The following ENPP2 variants were observed in gnomAD, a reference collection of about 807,000 sequenced individuals.
The protein encoded by ENPP2 is autotaxin.
A neutral mutation model predicts 120.2 loss-of-function variants in ENPP2; 51 were observed. The observed-to-expected ratio is 0.42, with a 90% CI of 0.34 to 0.54. The LOEUF (loss-of-function observed/expected upper bound fraction) is 0.54, where lower values mean the gene tolerates loss of function less well. Among genes scored for constraint, ENPP2 ranks in the 20% least tolerant of loss-of-function variants. ENPP2 has a pLI of 0.04. For synonymous variants in ENPP2, 365 were observed against 366.4 expected (o/e 1.00, Z 0.04); for missense variants, 920 against 1,066.5 (o/e 0.86, Z 1.91).
intron 8 of ENPP2, among the ~76,000 whole-genome samples, chr8:119,610,202 G>A (rs1371656865): frequency 6.6e-6 from 1 of 151,904 alleles, no homozygotes; most frequent in African/African-American, 2.4e-5. Flanking sequence ...TTAAAAAGCA[G>A]TGTCTTAGAA....
rs948885813 is a variant in ENPP2 at position 119,634,703 on chromosome 8, C to T, written c.136+3722G>A. ...TTTTTTTCATTAATGAAAGGTTTTT[C>T]AAACTTTTGTACATAGTTTTCAAAT... is the stretch of plus-strand genomic sequence containing the variant. On this transcript the variant is annotated intron_variant, in intron 2 of 24. Coordinates refer to ENST00000075322, the MANE Select transcript of ENPP2 (RefSeq NM_001040092.3). Among the ~76,000 whole-genome samples the T allele has an allele frequency of 2.5e-4, 38 of 152,058 alleles. 2 individuals carry two copies. The highest frequency in any genetic ancestry group is 1.5e-5 in the Non-Finnish European group (1 of 67,998).
intron 22 of ENPP2, among the ~76,000 whole-genome samples, chr8:119,565,658 C>A (rs1265060779): frequency 6.6e-6 from 1 of 152,136 alleles, no homozygotes; most frequent in Non-Finnish European, 1.5e-5. Flanking sequence ...CAAAGTACAT[C>A]CCAATTATCC....
rs1816261928 is a variant in ENPP2, at chr8:119,626,201, A to G, written c.292+364T>C. On this transcript the variant is annotated intron_variant, in intron 3 of 24. Coordinates refer to ENST00000075322, the MANE Select transcript of ENPP2 (RefSeq NM_001040092.3). ...AGTGAGATGCTATCTCTTAATAAATAAATAAGTAATAAAAAAGAACATACA... is the reference window on the plus strand; with the variant it reads ...AGTGAGATGCTATCTCTTAATAAATGAATAAGTAATAAAAAAGAACATACA... Among the ~76,000 whole-genome samples, 3 of 152,230 alleles carry G rather than the reference A, an allele frequency of 2.0e-5. No homozygotes were observed. In the South Asian group the frequency reaches 6.2e-4, roughly 32 times the overall value.
intron 12 of ENPP2, among the ~76,000 whole-genome samples, chr8:119,592,204 T>A (rs1813553473): frequency 6.6e-6 from 1 of 152,146 alleles, no homozygotes; most frequent in South Asian, 2.1e-4. Flanking sequence ...CCATACCATC[T>A]TTTAAGAGAG....
intron 15 of ENPP2, among the ~76,000 whole-genome samples, chr8:119,585,054 C>T (rs1202720359): frequency 6.6e-6 from 1 of 152,192 alleles, no homozygotes; most frequent in African/African-American, 2.4e-5. Context: ...CACTTAACTT[C>T]TACTCAGCTC....
Position 119,584,019 on chromosome 8 carries a change from T to G in ENPP2, c.1398A>C (p.Ser466=). The stretch of plus-strand genomic sequence containing the variant: ...GGTCTCCCTGGAAAAAGCATTTTCC[T>G]GATGGTTTCTTATAAACATCCAAAG... ...RKPLDVYKKP[S]GKCFFQGDHG... Residue 466 remains serine, a synonymous_variant, in exon 16 of 25, where the codon TCA becomes TCC. Coordinates refer to ENST00000075322, the MANE Select transcript of ENPP2 (RefSeq NM_001040092.3). The G allele has an allele frequency of 6.2e-7, 1 of 1,612,978 alleles. No homozygotes were observed. The highest frequency in any genetic ancestry group is 8.5e-7 in the Non-Finnish European group (1 of 1,178,994).
intron 9 of ENPP2, among the ~76,000 whole-genome samples, chr8:119,605,468 T>TGTA: frequency 1.3e-5 from 1 of 77,992 alleles, no homozygotes; most frequent in East Asian, 4.1e-4. Context: ...GTGTGTGTAT[T>TGTA]TTTTTTTTTG....
At chr8:119,654,300 C>A (rs1165215873) in intron 1 of ENPP2, among the ~76,000 whole-genome samples, 8 of 139,268 alleles carry the variant, frequency 5.7e-5, no homozygotes, top group African/African-American at 1.8e-4. Flanking sequence ...ATAGATGTAT[C>A]TATATATAAT....
At chr8:119,663,477 C>G (rs1817983766) in intron 1 of ENPP2, among the ~76,000 whole-genome samples, 1 of 152,118 alleles carries the variant, frequency 6.6e-6, no homozygotes, top group African/African-American at 2.4e-5. Flanking sequence ...ACTGGGGCAT[C>G]CTGGGATTTT....
chr8:119,618,143 C>T (rs1815606129), intron 5 of ENPP2: 1 of 358,422 alleles, frequency 2.8e-6, no homozygotes, highest in African/African-American at 2.1e-5. Context: ...ACAAATAACA[C>T]AGTGACCTGT....
At chr8:119,584,737 T>C (rs1459046172) in intron 15 of ENPP2, among the ~76,000 whole-genome samples, 2 of 152,182 alleles carry the variant, frequency 1.3e-5, no homozygotes, top group Non-Finnish European at 2.9e-5. Context: ...GACCATCTGA[T>C]CTTTCCTTTT....
chr8:119,671,810 G>A (rs1818258018), intron 1 of ENPP2, among the ~76,000 whole-genome samples: 1 of 152,188 alleles, frequency 6.6e-6, no homozygotes. Flanking sequence ...ACTGCAGGAT[G>A]ACAAGGGAAG....
chr8:119,562,081 G>A (rs969304172), intron 24 of ENPP2, among the ~76,000 whole-genome samples: 15 of 151,674 alleles, frequency 9.9e-5, no homozygotes, highest in Non-Finnish European at 2.1e-4. Flanking sequence ...AGCTTGCAGT[G>A]AGCCAAGATC....
In ENPP2 at chr8:119,557,422, A is replaced by G; in HGVS notation, c.*99T>C. The G allele has an allele frequency of 1.0e-6, 1 of 981,856 alleles. No homozygotes were observed. The highest frequency in any genetic ancestry group is 1.5e-6 in the Non-Finnish European group (1 of 663,844). 60.8% of individuals were successfully genotyped at this position (981,856 alleles called of 1,614,324 possible). ...GTCAGATTTGGTACAGGATTAAAAT[A>G]CTAACATTTTTAATGTCCTGGTTTC... On this transcript the variant is annotated 3_prime_UTR_variant, in exon 25 of 25. Coordinates refer to ENST00000075322, the MANE Select transcript of ENPP2 (RefSeq NM_001040092.3).
intron 2 of ENPP2, among the ~76,000 whole-genome samples, chr8:119,630,046 G>A (rs949230316): frequency 1.3e-5 from 2 of 151,962 alleles, no homozygotes; most frequent in Admixed American, 6.6e-5. Flanking sequence ...GTTCCTGCAT[G>A]CATTTGAAAT....
chr8:119,586,792 A>T (rs996442773), intron 14 of ENPP2, among the ~76,000 whole-genome samples: 2 of 152,232 alleles, frequency 1.3e-5, no homozygotes, highest in South Asian at 2.1e-4. Context: ...CCATGAATGA[A>T]TACTTTTCAG....
chr8:119,596,259 G>A (rs1813890038), intron 11 of ENPP2, among the ~76,000 whole-genome samples: 1 of 152,160 alleles, frequency 6.6e-6, no homozygotes, highest in South Asian at 2.1e-4. Context: ...AGTCATGTGG[G>A]TTTCTTTTGG....
chr8:119,617,764 A>T (rs1815574052), intron 5 of ENPP2, among the ~76,000 whole-genome samples: 1 of 152,108 alleles, frequency 6.6e-6, no homozygotes, highest in Non-Finnish European at 1.5e-5. Flanking sequence ...GCCTGGCAAC[A>T]TGGTGAAACC....
Position 119,593,594 on chromosome 8 carries a change from A to C in ENPP2, c.1081+158T>G, listed in dbSNP as rs559864443. Among the ~76,000 whole-genome samples, 3 of 152,312 alleles carry C rather than the reference A, an allele frequency of 2.0e-5. No individual in the cohort carries two copies. In the East Asian group the frequency reaches 5.8e-4, roughly 29 times the overall value. ...CCAGGGATCTCTCAGGTCATCTCAT[A>C]CTTTTCAATCATGGCCTGATTTCTA... On this transcript the variant is annotated intron_variant, in intron 12 of 24. Transcript: ENST00000075322.
Sources: allele counts gnomAD v4.1 joint callset (sites outside exome capture counted in the v4.1 genomes callset), GRCh38; gene constraint gnomAD v4.1.1; transcripts MANE v1.5; gene names NCBI Gene and HGNC (gene_info 2026-07-23, HGNC 2026-07-21).